Variants in ZNF486 observed in about 807,000 individuals in gnomAD.
ZNF486 encodes zinc finger protein 486.
In ZNF486, 12 loss-of-function variants were observed where a neutral mutation model predicts 12.8. The ratio of observed to expected loss-of-function variants is 0.94; its 90% CI spans 0.60 to 1.52. The LOEUF (loss-of-function observed/expected upper bound fraction) is 1.52. ZNF486 is among the 40% of genes most tolerant of loss of function. The pLI, the probability that ZNF486 is intolerant of heterozygous loss-of-function variation, is 0.00. For synonymous variants in ZNF486, 231 were observed against 184.9 expected (o/e 1.25, Z -2.02); for missense variants, 738 against 545.0 (o/e 1.35, Z -3.53).
intron 1 of ZNF486, among the ~76,000 whole-genome samples, chr19:20,173,379 C>T (rs1555714212): frequency 6.6e-6 from 1 of 152,110 alleles, no homozygotes; most frequent in African/African-American, 2.4e-5. Context: ...AGGAGGGTGA[C>T]ATTATTTCTG....
Position 20,199,566 on chromosome 19 carries a change from A to C in ZNF486, c.*1464A>C, listed in dbSNP as rs1555718609. ...ACCAAAACGGAGAAACCCAGTCTCT[A>C]CTGAAAATATAAAATTAGCCATGCA... is the stretch of plus-strand genomic sequence containing the variant. On this transcript the variant is annotated 3_prime_UTR_variant, in exon 4 of 4. Transcript: ENST00000335117. The C allele has an allele frequency of 1.3e-5, 2 of 151,950 alleles. No homozygotes were observed. Among genetic ancestry groups the C allele is most frequent in the Non-Finnish European group, 2.9e-5 (2 of 68,040 alleles). 9.4% of individuals were successfully genotyped at this position (151,950 alleles called of 1,614,324 possible).
chr19:20,181,310 C>A (rs565717746), intron 1 of ZNF486, among the ~76,000 whole-genome samples: 1 of 152,034 alleles, frequency 6.6e-6, no homozygotes, highest in Non-Finnish European at 1.5e-5. Context: ...GAGGCCAAGG[C>A]GGGCAGATCA....
At chr19:20,169,613 G>A (rs943465825) in intron 1 of ZNF486, among the ~76,000 whole-genome samples, 9 of 151,994 alleles carry the variant, frequency 5.9e-5, no homozygotes, top group African/African-American at 1.9e-4. Context: ...TTGTTTTGAG[G>A]CACTTTTTAG....
In ZNF486 at chr19:20,189,519, A is replaced by C. The variant is rs1162788413; in HGVS notation, c.253+3437A>C. 5.9e-5 allele frequency among the ~76,000 whole-genome samples: 9 copies of C among 152,316 alleles called. No homozygotes were observed. The East Asian group carries it at 7.7e-4, about 13-fold the overall frequency. Reference sequence around the variant, plus strand: ...AGATTGGGTGTTTTTAAAAAAATTTACAGTGGCCATTCTAATGGATATGAG... The same window carrying C: ...AGATTGGGTGTTTTTAAAAAAATTTCCAGTGGCCATTCTAATGGATATGAG... On this transcript the variant is annotated intron_variant, in intron 3 of 3. Transcript: ENST00000335117.
intron 3 of ZNF486, chr19:20,188,455 A>T: frequency 5.0e-6 from 2 of 398,552 alleles, no homozygotes; most frequent in African/African-American, 2.1e-5. Context: ...AGGCCAACAC[A>T]GGAGGATCCC....
intron 3 of ZNF486, 21 bp from the exon 4 acceptor site, chr19:20,196,943 T>C: frequency 6.6e-7 from 1 of 1,521,956 alleles, no homozygotes; most frequent in Non-Finnish European, 8.8e-7. Flanking sequence ...TGAAGTAATG[T>C]GTTTTTATTG....
At chr19:20,179,567 AAC>A (rs1220640826) in intron 1 of ZNF486, among the ~76,000 whole-genome samples, 1 of 152,188 alleles carries the variant, frequency 6.6e-6, no homozygotes, top group African/African-American at 2.4e-5. Flanking sequence ...CACTTGGTGT[AAC>A]ACAAAAGGAT....
Position 20,184,452 on chromosome 19 carries a change from T to A in ZNF486, c.127T>A (p.Leu43Ile). ...AQQNLYRDVM[L>I]ENYRHLVFLG... ...GCAGAATTTATATAGGGATGTGATG[T>A]TAGAGAACTACAGACACCTGGTCTT... The change falls in exon 2 of 4, where the codon TTA becomes ATA. Residue 43 changes from leucine to isoleucine, a missense_variant. Leu to Ile is a conservative substitution (Grantham distance 5). Transcript: ENST00000335117. 6.2e-7 allele frequency: 1 copy of A among 1,613,212 alleles called. No homozygotes were observed. The highest frequency in any genetic ancestry group is 8.5e-7 in the Non-Finnish European group (1 of 1,179,576).
chr19:20,194,434 A>G (rs1378707441), intron 3 of ZNF486, among the ~76,000 whole-genome samples: 2 of 152,206 alleles, frequency 1.3e-5, no homozygotes, highest in African/African-American at 4.8e-5. Context: ...TGTTTTAAAT[A>G]AATTCACTGG....
rs1053842977 is a variant in ZNF486, at chr19:20,188,525, T to A, written c.253+2443T>A. The A allele has an allele frequency of 2.3e-5, 9 of 398,162 alleles. No individual in the cohort carries two copies. The Admixed American group carries it at 3.5e-4, about 16-fold the overall frequency. 24.7% of individuals were successfully genotyped at this position (398,162 alleles called of 1,614,324 possible). ...ATATGGAGACCCCTCTTTATAAAAA[T>A]AATTTAATAATTGCCAGGCATGGTG... On this transcript the variant is annotated intron_variant, in intron 3 of 3. Coordinates refer to ENST00000335117, the MANE Select transcript of ZNF486 (RefSeq NM_052852.4).
intron 1 of ZNF486, among the ~76,000 whole-genome samples, chr19:20,168,830 A>T (rs1016347381): frequency 2.0e-5 from 3 of 152,034 alleles, no homozygotes; most frequent in Non-Finnish European, 4.4e-5. Flanking sequence ...AGTCTGCAAA[A>T]GGAGGGGGTT....
chr19:20,181,704 C>T (rs559167006), intron 1 of ZNF486, among the ~76,000 whole-genome samples: 3 of 151,048 alleles, frequency 2.0e-5, no homozygotes, highest in African/African-American at 7.3e-5. Flanking sequence ...TAAATATGAA[C>T]AGAATAAAAT....
chr19:20,184,465 G>C lies in ZNF486; in HGVS notation c.140G>C (p.Arg47Thr), dbSNP rs1744399720. Residue 47 changes from arginine to threonine, a missense_variant, in exon 2 of 4, where the codon AGA (arginine) becomes ACA (threonine). Arg to Thr is a moderately conservative substitution (Grantham distance 71). Coordinates refer to ENST00000335117, the MANE Select transcript of ZNF486 (RefSeq NM_052852.4). Reference sequence around the variant, plus strand: ...AGGGATGTGATGTTAGAGAACTACAGACACCTGGTCTTCCTTGGTGAGGAT... The same window carrying C: ...AGGGATGTGATGTTAGAGAACTACACACACCTGGTCTTCCTTGGTGAGGAT... The part of the protein sequence containing the change: ...LYRDVMLENY[R>T]HLVFLGIIVS... 1.2e-6 allele frequency: 2 copies of C among 1,612,022 alleles called. No homozygotes were observed. Among genetic ancestry groups the C allele is most frequent in the African/African-American group, 2.7e-5 (2 of 74,900 alleles).
intron 1 of ZNF486, among the ~76,000 whole-genome samples, chr19:20,178,169 C>T (rs2089743838): frequency 6.6e-6 from 1 of 152,004 alleles, no homozygotes. Context: ...CTCAGGTGAT[C>T]CACCCGCCTA....
At chr19:20,168,449 G>T (rs1200558217) in intron 1 of ZNF486, among the ~76,000 whole-genome samples, 3 of 152,180 alleles carry the variant, frequency 2.0e-5, no homozygotes, top group Admixed American at 1.3e-4. Flanking sequence ...GAGTTCGGGA[G>T]TTCGAGACCG....
At chr19:20,176,553 G>A (rs1020413565) in intron 1 of ZNF486, 6 of 183,176 alleles carry the variant, frequency 3.3e-5, no homozygotes, top group South Asian at 1.8e-4. Flanking sequence ...CTGAGTGAAC[G>A]AGACTCCGTC....
At chr19:20,195,029 AC>A (rs1441169623) in intron 3 of ZNF486, among the ~76,000 whole-genome samples, 5 of 151,482 alleles carry the variant, frequency 3.3e-5, no homozygotes, top group African/African-American at 1.2e-4. Flanking sequence ...TTTTTCTTAT[AC>A]AGAGTCTTTT....
chr19:20,197,610 C>G lies in ZNF486; in HGVS notation c.900C>G (p.Asp300Glu). The G allele has an allele frequency of 1.9e-6, 3 of 1,613,716 alleles. No individual in the cohort carries two copies. The highest frequency in any genetic ancestry group is 2.5e-6 in the Non-Finnish European group (3 of 1,179,836). Residue 300 changes from aspartate to glutamate, a missense_variant, in exon 4 of 4, where the codon GAC becomes GAG. Transcript: ENST00000335117. ...AACCCTACAAATGTAAAGAATGTGACAAAGCTTTTAACCATCCTGCAACTC... is the reference window on the plus strand; with the variant it reads ...AACCCTACAAATGTAAAGAATGTGAGAAAGCTTTTAACCATCCTGCAACTC... ...GEQPYKCKEC[D>E]KAFNHPATLS...
rs141258106 is a variant in ZNF486 at position 20,169,003 on chromosome 19, G to A, written c.30+1643G>A. Among the ~76,000 whole-genome samples the A allele has an allele frequency of 1.5e-3, 227 of 152,174 alleles. 1 individual carries two copies. The highest frequency in any genetic ancestry group is 5.3e-3 in the African/African-American group (219 of 41,544). On this transcript the variant is annotated intron_variant, in intron 1 of 3. Coordinates refer to ENST00000335117, the MANE Select transcript of ZNF486 (RefSeq NM_052852.4). ...CTACAGGCACTCGCCACCACGCCCG[G>A]CTAATTTTTGTATTTTTAGCAGAGA...
Sources: gnomAD v4.1 joint callset for allele counts (sites outside exome capture counted in the v4.1 genomes callset) on GRCh38, gnomAD v4.1.1 for gene constraint, MANE v1.5 for transcripts, NCBI Gene and HGNC (gene_info 2026-07-23, HGNC 2026-07-21) for gene names.